NDUFA10: variants seen among roughly 807,000 people sequenced by gnomAD.
NDUFA10 encodes NADH:ubiquinone oxidoreductase subunit A10, also known as NADH dehydrogenase [ubiquinone] 1 alpha subcomplex subunit 10, mitochondrial.
In NDUFA10, 40 loss-of-function variants were observed where a neutral mutation model predicts 47.8. The ratio of observed to expected loss-of-function variants is 0.84; its 90% CI spans 0.65 to 1.09. The LOEUF (loss-of-function observed/expected upper bound fraction) is 1.09. NDUFA10 is among the 50% of genes least tolerant of loss of function. The pLI is 0.00. For synonymous variants in NDUFA10, 183 were observed against 172.2 expected (o/e 1.06, Z -0.49); for missense variants, 413 against 451.1 (o/e 0.92, Z 0.76).
At chr2:239,971,054 C>T (rs572839499) in intron 9 of NDUFA10, among the ~76,000 whole-genome samples, 1 of 152,348 alleles carries the variant, frequency 6.6e-6, no homozygotes, top group South Asian at 2.1e-4. Flanking sequence ...CAGCCTCTAA[C>T]ACTTAACAGC....
At chr2:240,018,191 G>A in intron 4 of NDUFA10, among the ~76,000 whole-genome samples, 1 of 152,172 alleles carries the variant, frequency 6.6e-6, no homozygotes, top group East Asian at 1.9e-4. Context: ...TCACACACTA[G>A]AAACTGGAAA....
chr2:239,944,950 CCG>C (rs10611029), intron 4 of NDUFA10, among the ~76,000 whole-genome samples: 4,055 of 152,246 alleles, frequency 0.027, 183 homozygotes, highest in African/African-American at 0.089. Flanking sequence ...AGGCTGCACC[CCG>C]CGCCCAGAGC....
chr2:239,981,817 T>G (rs1187942780), intron 9 of NDUFA10, among the ~76,000 whole-genome samples: 1 of 152,136 alleles, frequency 6.6e-6, no homozygotes, highest in Non-Finnish European at 1.5e-5. Context: ...TTTTAGTAAT[T>G]TTATTATTTT....
chr2:239,918,687 G>A (rs995354224), intron 4 of NDUFA10, among the ~76,000 whole-genome samples: 3 of 152,202 alleles, frequency 2.0e-5, no homozygotes, highest in Non-Finnish European at 4.4e-5. Flanking sequence ...TTTATTCCCA[G>A]GTGTGGGTAG....
chr2:239,947,884 T>G lies in NDUFA10; in HGVS notation c.294+42190A>C, dbSNP rs1271743140. Among the ~76,000 whole-genome samples the G allele has an allele frequency of 4.6e-5, 7 of 152,196 alleles. 1 individual carries two copies. Among genetic ancestry groups the G allele is most frequent in the Admixed American group, 1.3e-4 (2 of 15,284 alleles). The stretch of plus-strand genomic sequence containing the variant: ...TCTGGTCCAAAACTTGTTCAGACTT[T>G]CAGGACGGCCACAGCTGAACATTAA... On this transcript the variant is annotated intron_variant, in intron 4 of 5. Transcript: ENST00000419408.
chr2:239,938,349 C>G (rs1694302818), intron 4 of NDUFA10, among the ~76,000 whole-genome samples: 2 of 152,264 alleles, frequency 1.3e-5, no homozygotes, highest in Non-Finnish European at 2.9e-5. Flanking sequence ...ACAGGCCCCC[C>G]TGAGGACAGA....
At chr2:239,914,798 A>G (rs1160801319) in intron 4 of NDUFA10, among the ~76,000 whole-genome samples, 1 of 148,380 alleles carries the variant, frequency 6.7e-6, no homozygotes, top group Admixed American at 6.6e-5. Context: ...ACACACAGAT[A>G]CACATACACA....
chr2:239,940,515 TTCTTTGATAAA>T (rs1694342807), intron 4 of NDUFA10, among the ~76,000 whole-genome samples: 1 of 152,390 alleles, frequency 6.6e-6, no homozygotes, highest in Admixed American at 6.5e-5. Context: ...AGCAATGCTA[TTCTTTGATAAA>T]TTTCTCCAAG....
At chr2:239,932,877 G>C (rs1694200994) in intron 4 of NDUFA10, among the ~76,000 whole-genome samples, 1 of 152,194 alleles carries the variant, frequency 6.6e-6, no homozygotes, top group Admixed American at 6.5e-5. Flanking sequence ...CACCGCGCCT[G>C]GCCTCTGATC....
chr2:240,021,542 A>G (rs1408663417), intron 2 of NDUFA10, 130 bp from the exon 3 acceptor site: 11 of 789,018 alleles, frequency 1.4e-5, no homozygotes, highest in Non-Finnish European at 8.6e-6. Context: ...GACCTAGAGA[A>G]AGTCACCTAC....
At chr2:240,017,140 G>A (rs2106492741) in intron 4 of NDUFA10, among the ~76,000 whole-genome samples, 1 of 152,270 alleles carries the variant, frequency 6.6e-6, no homozygotes, top group East Asian at 1.9e-4. Context: ...TCCTTCAGAT[G>A]AAGGCCTGCA....
intron 4 of NDUFA10, among the ~76,000 whole-genome samples, chr2:239,929,657 T>G (rs894098917): frequency 2.0e-5 from 2 of 100,708 alleles, no homozygotes; most frequent in Non-Finnish European, 4.2e-5. Flanking sequence ...CGCCCCTGCT[T>G]CTCCACCACC....
At chr2:239,967,511 T>C (rs1039601603) in intron 9 of NDUFA10, among the ~76,000 whole-genome samples, 1 of 152,208 alleles carries the variant, frequency 6.6e-6, no homozygotes, top group African/African-American at 2.4e-5. Flanking sequence ...CCTTTGCTGA[T>C]CACTGGCCTA....
chr2:239,893,070 T>C (rs944073990), intron 5 of NDUFA10, among the ~76,000 whole-genome samples: 1 of 152,016 alleles, frequency 6.6e-6, no homozygotes, highest in African/African-American at 2.4e-5. Context: ...AGGAAACTAG[T>C]TGGGATGAAG....
intron 6 of NDUFA10, among the ~76,000 whole-genome samples, chr2:240,010,757 C>A (rs1697109019): frequency 6.6e-6 from 1 of 152,088 alleles, no homozygotes; most frequent in Admixed American, 6.5e-5. Flanking sequence ...TACCTATGGT[C>A]TAACAATATT....
chr2:239,914,167 A>C (rs1365241183), intron 4 of NDUFA10, among the ~76,000 whole-genome samples: 2 of 152,128 alleles, frequency 1.3e-5, no homozygotes, highest in African/African-American at 2.4e-5. Context: ...AGATACACAC[A>C]CACACAGAAC....
intron 4 of NDUFA10, among the ~76,000 whole-genome samples, chr2:239,951,703 A>G (rs1335346463): frequency 6.6e-6 from 1 of 152,252 alleles, no homozygotes; most frequent in East Asian, 1.9e-4. Flanking sequence ...GAAAATGTAT[A>G]TAACTCTAAA....
chr2:239,928,331 C>T lies in NDUFA10; in HGVS notation c.295-33017G>A, dbSNP rs1357415544. Among the ~76,000 whole-genome samples the T allele has an allele frequency of 1.3e-5, 2 of 152,264 alleles. No homozygotes were observed. The highest frequency in any genetic ancestry group is 3.9e-4 in the East Asian group (2 of 5,188). On this transcript the variant is annotated intron_variant, in intron 4 of 5. Coordinates refer to the NDUFA10 transcript ENST00000419408. This position sits in a 1 kb window ranked among gnomAD's most constrained non-coding sequence, Gnocchi z 4.3. ...AAAGGAGCACATGAATTCCATGAAT[C>T]ATGACTAAAGAAAAGAAGGCAAAAG...
rs1443111475 is a variant in NDUFA10, at chr2:239,919,728, G to GAATA, written c.295-24418_295-24415dup. On this transcript the variant is annotated intron_variant, in intron 4 of 5. Coordinates refer to the NDUFA10 transcript ENST00000419408. Reference sequence around the variant, plus strand: ...GACACACAAACAAAACCATCCCTGAGAATACCTCGTTTTCCAAAGGGCTTC... The same window carrying GAATA: ...GACACACAAACAAAACCATCCCTGAGAATAAATACCTCGTTTTCCAAAGGGCTTC... Among the ~76,000 whole-genome samples the GAATA allele has an allele frequency of 4.6e-5, 7 of 152,258 alleles. No homozygotes were observed. In the East Asian group the frequency reaches 7.7e-4, roughly 17 times the overall value.
Sources: allele counts gnomAD v4.1 joint callset (sites outside exome capture counted in the v4.1 genomes callset), GRCh38; gene constraint gnomAD v4.1.1; non-coding constraint Gnocchi (gnomAD v3.1); transcripts MANE v1.5; gene names NCBI Gene and HGNC (gene_info 2026-07-23, HGNC 2026-07-21).